The following ZNF674 variants were observed in gnomAD, a reference collection of about 807,000 sequenced individuals.
ZNF674 encodes the protein zinc finger protein 674, also known as zinc finger family member 674.
ZNF674 carries 2 observed loss-of-function variants against 7.0 expected under a neutral mutation model. The ratio of observed to expected loss-of-function variants is 0.29; its 90% CI spans 0.12 to 0.90. ZNF674 has a LOEUF of 0.90. Among genes scored for constraint, ZNF674 ranks in the 40% least tolerant of loss-of-function variants. The pLI is 0.57. For synonymous variants in ZNF674, 103 were observed against 145.2 expected (o/e 0.71, Z 2.09); for missense variants, 297 against 415.5 (o/e 0.71, Z 2.48).
chrX:46,520,353 C>T (rs1223318377), intron 5 of ZNF674, among the ~76,000 whole-genome samples: 2 of 110,843 alleles, frequency 1.8e-5, no homozygotes, highest in Non-Finnish European at 1.9e-5. Context: ...GAGACCAGAT[C>T]GCACCATTGC....
chrX:46,513,460 G>A (rs185492145), intron 5 of ZNF674, among the ~76,000 whole-genome samples: 1 of 111,572 alleles, frequency 9.0e-6, no homozygotes, highest in African/African-American at 3.3e-5. Context: ...GTGTGTACAC[G>A]AGTCTAAATC....
At position 46,501,000 on chromosome X, in the gene ZNF674, C is replaced by A. The variant is rs1569465521; in HGVS notation, c.574G>T (p.Asp192Tyr). Residue 192 changes from aspartate to tyrosine, a missense_variant, in exon 6 of 6, where the codon GAC becomes TAC. Coordinates refer to ENST00000683375, the MANE Select transcript of ZNF674 (RefSeq NM_001190417.2). ...HKAQPAERFF[D>Y]PNQRGKALHQ... ...AGGGCTTTCCCTCGTTGATTAGGGTCAAAAAATCTCTCTGCAGGTTGAGCT... is the reference window on the plus strand; with the variant it reads ...AGGGCTTTCCCTCGTTGATTAGGGTAAAAAAATCTCTCTGCAGGTTGAGCT... The A allele has an allele frequency of 2.5e-6, 3 of 1,200,209 alleles. No homozygotes were observed. The highest frequency in any genetic ancestry group is 3.6e-5 in the South Asian group (2 of 55,537).
chrX:46,527,584 T>G (rs1942031514), intron 5 of ZNF674: 1 of 111,686 alleles, frequency 9.0e-6, no homozygotes, highest in Non-Finnish European at 1.9e-5. Flanking sequence ...TATTCCAACC[T>G]GGGAATAATG....
At chrX:46,532,038 G>A (rs1392803775) in intron 3 of ZNF674, among the ~76,000 whole-genome samples, 4 of 110,414 alleles carry the variant, frequency 3.6e-5, no homozygotes, top group Non-Finnish European at 5.7e-5. Context: ...GGTGGCGGGC[G>A]CCTGTAATCC....
chrX:46,507,831 T>G (rs912466966), intron 5 of ZNF674, among the ~76,000 whole-genome samples: 1 of 111,899 alleles, frequency 8.9e-6, no homozygotes, highest in African/African-American at 3.2e-5. Flanking sequence ...TATATGTAAG[T>G]TATAAAGAAT....
In ZNF674 at chrX:46,528,354, A is replaced by G. The variant is rs1330305353; in HGVS notation, c.234T>C (p.Cys78=). The G allele has an allele frequency of 8.3e-7, 1 of 1,211,381 alleles. No individual in the cohort carries two copies. Among genetic ancestry groups the G allele is most frequent in the Admixed American group, 2.2e-5 (1 of 45,956 alleles). ...ACTCACCTGGCCTGTCCTCACCTGC[A>G]CAGGTCCGTACCGGGGTCCCTCCAT... ...MADGGTPVRT[C]AEVWEVDEQI... The change falls in exon 5 of 6, where the codon TGT becomes TGC. Residue 78 remains cysteine, a synonymous_variant. Transcript: ENST00000683375.
rs1302438102 is a variant in ZNF674 at position 46,534,747 on chromosome X, G to GT, written c.16-5839dup. On this transcript the variant is annotated intron_variant, in intron 3 of 5. Transcript: ENST00000683375. ...GTGGCTAAAAGCCTTTCTTTTCTGT[G>GT]TTTTTTTTTTCAAGACATAGTCTCA... is the stretch of plus-strand genomic sequence containing the variant. 5.4e-3 allele frequency among the ~76,000 whole-genome samples: 564 copies of GT among 104,819 alleles called. 3 individuals are homozygous for GT. The highest frequency in any genetic ancestry group is 0.018 in the African/African-American group (524 of 28,930). 91.0% of individuals were successfully genotyped at this position (104,819 alleles called of 115,157 possible). A position where few individuals can be genotyped will look rare whatever the true frequency, so the allele number is the denominator to read the frequency against.
At chrX:46,503,478 C>T (rs926878075) in intron 5 of ZNF674, among the ~76,000 whole-genome samples, 1 of 111,714 alleles carries the variant, frequency 9.0e-6, no homozygotes, top group Non-Finnish European at 1.9e-5. Context: ...AGAAAATATA[C>T]TAAAAGAAGA....
chrX:46,527,427 C>T (rs1942028540), intron 5 of ZNF674, among the ~76,000 whole-genome samples: 1 of 110,875 alleles, frequency 9.0e-6, no homozygotes, highest in Admixed American at 9.7e-5. Context: ...ATGAGATCCC[C>T]CTACACACCT....
In ZNF674 at chrX:46,511,906, C is replaced by T. The variant is rs1434492271; in HGVS notation, c.239-10571G>A. ...GGCAGGGTGGTATGTGCCTGTAATC[C>T]CAGCTACTCAGGAGGCTGAGACAGG... is the stretch of plus-strand genomic sequence containing the variant. On this transcript the variant is annotated intron_variant, in intron 5 of 5. Transcript: ENST00000683375. Among the ~76,000 whole-genome samples the T allele has an allele frequency of 2.2e-4, 24 of 110,729 alleles. No individual in the cohort carries two copies. The Admixed American group carries it at 2.3e-3, about 11-fold the overall frequency.
intron 5 of ZNF674, among the ~76,000 whole-genome samples, chrX:46,508,447 T>C (rs931301336): frequency 1.8e-5 from 2 of 112,515 alleles, no homozygotes; most frequent in Middle Eastern, 4.6e-3. Context: ...TAAATACTAG[T>C]AAAATCAATT....
intron 3 of ZNF674, among the ~76,000 whole-genome samples, chrX:46,540,220 G>T (rs1052367503): frequency 2.7e-5 from 3 of 109,496 alleles, no homozygotes; most frequent in Non-Finnish European, 5.7e-5. Context: ...CTCCAGCCTG[G>T]GCGACAGAGC....
chrX:46,525,491 T>G (rs1047684852), intron 5 of ZNF674: 3 of 117,479 alleles, frequency 2.6e-5, no homozygotes, highest in Non-Finnish European at 5.1e-5. Flanking sequence ...GGTGCATGCC[T>G]GTAATCCCAG....
At chrX:46,530,559 C>T (rs1942092606) in intron 3 of ZNF674, among the ~76,000 whole-genome samples, 1 of 111,618 alleles carries the variant, frequency 9.0e-6, no homozygotes, top group African/African-American at 3.3e-5. Flanking sequence ...TTTACTCAGT[C>T]CTCCAGTCCA....
chrX:46,540,920 C>T (rs1312958361), intron 3 of ZNF674, among the ~76,000 whole-genome samples: 4 of 107,288 alleles, frequency 3.7e-5, no homozygotes, highest in African/African-American at 1.4e-4. Context: ...AAATATTAGC[C>T]GGGTGTGGTG....
intron 3 of ZNF674, among the ~76,000 whole-genome samples, chrX:46,537,374 A>G (rs1463375801): frequency 9.0e-6 from 1 of 111,498 alleles, no homozygotes; most frequent in Non-Finnish European, 1.9e-5. Context: ...TTCATTAAAA[A>G]CAACCCATGC....
At chrX:46,507,525 A>C (rs746374009) in intron 5 of ZNF674, among the ~76,000 whole-genome samples, 2 of 111,722 alleles carry the variant, frequency 1.8e-5, no homozygotes, top group African/African-American at 6.5e-5. Flanking sequence ...AAAACCCACA[A>C]ATACGGAGGG....
At position 46,539,783 on chromosome X, in the gene ZNF674, C is replaced by G. The variant is rs779517025; in HGVS notation, c.15+2290G>C. Among the ~76,000 whole-genome samples, 3 of 112,241 alleles carry G rather than the reference C, an allele frequency of 2.7e-5. No individual in the cohort carries two copies. In the South Asian group the frequency reaches 1.1e-3, roughly 41 times the overall value. On this transcript the variant is annotated intron_variant, in intron 3 of 5. Coordinates refer to ENST00000683375, the MANE Select transcript of ZNF674 (RefSeq NM_001190417.2). ...AGCCACAACAAATAATGATCAGAAC[C>G]ATAATGACAATAGTGCCGCAGTAAG...
At chrX:46,534,513 C>A (rs781312640) in intron 3 of ZNF674, among the ~76,000 whole-genome samples, 5 of 110,667 alleles carry the variant, frequency 4.5e-5, no homozygotes, top group Admixed American at 1.9e-4. Flanking sequence ...AGGCACACGC[C>A]ACCTCACCCA....
Sources: allele counts gnomAD v4.1 joint callset (sites outside exome capture counted in the v4.1 genomes callset), GRCh38; gene constraint gnomAD v4.1.1; transcripts MANE v1.5; gene names NCBI Gene and HGNC (gene_info 2026-07-23, HGNC 2026-07-21).